TMEM117: variants seen among roughly 807,000 people sequenced by gnomAD.
The protein encoded by TMEM117 is transmembrane protein 117.
A neutral mutation model predicts 52.4 loss-of-function variants in TMEM117; 27 were observed. That is an observed-to-expected ratio of 0.51 (90% confidence interval 0.38 to 0.71). The LOEUF (loss-of-function observed/expected upper bound fraction) is 0.71, where lower values mean the gene tolerates loss of function less well. Among genes scored for constraint, TMEM117 ranks in the 30% least tolerant of loss-of-function variants. TMEM117 has a pLI of 0.00. For synonymous variants in TMEM117, 215 were observed against 206.3 expected (o/e 1.04, Z -0.36); for missense variants, 556 against 630.5 (o/e 0.88, Z 1.26).
chr12:43,810,949 A>G, the TMEM117 span, among the ~76,000 whole-genome samples: 8 of 152,252 alleles, frequency 5.3e-5, no homozygotes, highest in Non-Finnish European at 8.8e-5. Flanking sequence ...TGGGAACAGT[A>G]ATATAATGGA....
intron 3 of TMEM117, among the ~76,000 whole-genome samples, chr12:43,990,658 T>G (rs1195977709): frequency 1.3e-5 from 2 of 152,202 alleles, no homozygotes; most frequent in Admixed American, 1.3e-4. Flanking sequence ...TCTCAAAGCA[T>G]CTTGCCTGTC....
intron 2 of TMEM117, among the ~76,000 whole-genome samples, chr12:43,898,028 G>GCA (rs10604495): frequency 1.4e-5 from 2 of 143,400 alleles, no homozygotes; most frequent in African/African-American, 5.5e-5. Flanking sequence ...ATGCACATGC[G>GCA]CACACACACA....
chr12:43,811,705 A>G, the TMEM117 span, among the ~76,000 whole-genome samples: 1 of 152,246 alleles, frequency 6.6e-6, no homozygotes, highest in Non-Finnish European at 1.5e-5. Context: ...TTAGATTGCA[A>G]TTAGTGAGAA....
At chr12:44,082,214 G>A (rs7971340) in intron 3 of TMEM117, among the ~76,000 whole-genome samples, 37,065 of 151,612 alleles carry the variant, frequency 0.24, 7,961 homozygotes, top group African/African-American at 0.58. Context: ...AAATCTATGG[G>A]CGTGTAGAAA....
chr12:44,192,899 A>G (rs971999426), intron 4 of TMEM117, among the ~76,000 whole-genome samples: 3 of 152,190 alleles, frequency 2.0e-5, no homozygotes, highest in Admixed American at 6.5e-5. Flanking sequence ...TTAGTTGTCA[A>G]TAAATATATT....
At position 44,049,472 on chromosome 12, in the gene TMEM117, C is replaced by T. The variant is rs149800761; in HGVS notation, c.411-94053C>T. On this transcript the variant is annotated intron_variant, in intron 3 of 7. Coordinates refer to ENST00000266534, the MANE Select transcript of TMEM117 (RefSeq NM_032256.3). ...GGATGGGTCAATAGGTACTGCAGAC[C>T]ACCATGGCACAGGTATACCTATGTA... is the stretch of plus-strand genomic sequence containing the variant. 2.6e-4 allele frequency among the ~76,000 whole-genome samples: 39 copies of T among 151,604 alleles called. No individual in the cohort carries two copies. The East Asian group carries it at 5.5e-3, about 21-fold the overall frequency.
At chr12:44,264,272 C>A (rs1429905942) in intron 5 of TMEM117, among the ~76,000 whole-genome samples, 1 of 152,004 alleles carries the variant, frequency 6.6e-6, no homozygotes, top group Non-Finnish European at 1.5e-5. Flanking sequence ...CTCAGTGAGC[C>A]CTCTCACTTC....
intron 6 of TMEM117, among the ~76,000 whole-genome samples, chr12:44,351,790 C>T (rs969474195): frequency 4.6e-5 from 7 of 151,994 alleles, no homozygotes; most frequent in African/African-American, 1.7e-4. Flanking sequence ...TTGTGTTTGT[C>T]AAAATCCAAG....
intron 2 of TMEM117, among the ~76,000 whole-genome samples, chr12:43,906,558 G>A (rs964325787): frequency 6.6e-6 from 1 of 152,204 alleles, no homozygotes; most frequent in African/African-American, 2.4e-5. Context: ...GAAGACCAGT[G>A]ATTTCTGCAT....
At chr12:44,368,908 A>C (rs1565764517) in intron 6 of TMEM117, among the ~76,000 whole-genome samples, 1 of 152,074 alleles carries the variant, frequency 6.6e-6, no homozygotes, top group Non-Finnish European at 1.5e-5. Flanking sequence ...TCTTCTTAAG[A>C]ACTGCCCACT....
At chr12:44,114,536 C>T (rs1324306898) in intron 3 of TMEM117, among the ~76,000 whole-genome samples, 1 of 152,114 alleles carries the variant, frequency 6.6e-6, no homozygotes, top group Non-Finnish European at 1.5e-5. Flanking sequence ...TCAAGCCTTC[C>T]ATCTGCTTGG....
At chr12:44,355,485 G>A (rs1951634137) in intron 6 of TMEM117, among the ~76,000 whole-genome samples, 1 of 152,004 alleles carries the variant, frequency 6.6e-6, no homozygotes, top group African/African-American at 2.4e-5. Context: ...AGTCTTAGAG[G>A]ATGGGCCTGC....
intron 3 of TMEM117, among the ~76,000 whole-genome samples, chr12:44,045,626 C>G (rs745385861): frequency 6.6e-6 from 1 of 151,944 alleles, no homozygotes; most frequent in South Asian, 2.1e-4. Context: ...GGTTGGATCA[C>G]GAGGTCAGGA....
rs926758678 is a variant in TMEM117 at position 44,153,317 on chromosome 12, A to G, written c.510+9693A>G. Among the ~76,000 whole-genome samples, 8 of 152,054 alleles carry G rather than the reference A, an allele frequency of 5.3e-5. No individual in the cohort carries two copies. In the East Asian group the frequency reaches 1.3e-3, roughly 26 times the overall value. The stretch of plus-strand genomic sequence containing the variant: ...GTTCCAAAGTTTTTATTGTTTTCAC[A>G]TACTATTCTGACAAACTGAATAATT... On this transcript the variant is annotated intron_variant, in intron 4 of 7. Transcript: ENST00000266534.
chr12:43,905,993 A>T (rs879699019), intron 2 of TMEM117, among the ~76,000 whole-genome samples: 1 of 152,356 alleles, frequency 6.6e-6, no homozygotes, highest in Non-Finnish European at 1.5e-5. Context: ...TTAACCAAAT[A>T]TTTATACCAG....
chr12:43,821,714 T>C, the TMEM117 span, among the ~76,000 whole-genome samples: 1 of 152,220 alleles, frequency 6.6e-6, no homozygotes, highest in Admixed American at 6.5e-5. Flanking sequence ...AAATCAGCAG[T>C]GGCAGAGCTG....
chr12:44,162,785 A>G (rs73099009), intron 4 of TMEM117, among the ~76,000 whole-genome samples: 15,935 of 152,190 alleles, frequency 0.1, 943 homozygotes, highest in Middle Eastern at 0.2. Flanking sequence ...GACTAATAAC[A>G]CATGTAGTTG....
At chr12:44,101,208 G>A (rs1947854885) in intron 3 of TMEM117, among the ~76,000 whole-genome samples, 1 of 149,462 alleles carries the variant, frequency 6.7e-6, no homozygotes. Flanking sequence ...TGAATATGTT[G>A]AACATATGTT....
the TMEM117 span, chr12:43,805,495 T>C: frequency 2.2e-6 from 1 of 455,288 alleles, no homozygotes. Flanking sequence ...CCCGGGGATA[T>C]ATTATTTGAC....
Sources: gnomAD v4.1 joint callset for allele counts (sites outside exome capture counted in the v4.1 genomes callset) on GRCh38, gnomAD v4.1.1 for gene constraint, MANE v1.5 for transcripts, NCBI Gene and HGNC (gene_info 2026-07-23, HGNC 2026-07-21) for gene names.